C3orf52: variants seen among roughly 807,000 people sequenced by gnomAD.
The protein encoded by C3orf52 is TPA-induced transmembrane protein.
In C3orf52, 22 loss-of-function variants were observed where a neutral mutation model predicts 24.8. The ratio of observed to expected loss-of-function variants is 0.89; its 90% CI spans 0.63 to 1.27. The LOEUF (loss-of-function observed/expected upper bound fraction) is 1.27, where lower values mean the gene tolerates loss of function less well. Ranked by LOEUF, C3orf52 falls within the 50% of genes most tolerant of loss-of-function variation. The pLI, the probability that C3orf52 is intolerant of heterozygous loss-of-function variation, is 0.00. For synonymous variants in C3orf52, 93 were observed against 100.2 expected (o/e 0.93, Z 0.43); for missense variants, 265 against 260.7 (o/e 1.02, Z -0.11).
exon 5 of C3orf52, chr3:112,128,566 C>CG (rs746694611): frequency 3.6e-5 from 9 of 247,530 alleles, no homozygotes; most frequent in Non-Finnish European, 5.6e-5. Flanking sequence ...TCTTGTTCAT[C>CG]GTGGTATGTA....
At chr3:112,125,172 G>A (rs1458249190) in intron 4 of C3orf52, 14 of 1,135,562 alleles carry the variant, frequency 1.2e-5, no homozygotes, top group Non-Finnish European at 1.7e-5. Context: ...GCCATTTAGG[G>A]TGTCTGTACT....
At chr3:112,101,584 G>A (rs906649070) in intron 2 of C3orf52, among the ~76,000 whole-genome samples, 11 of 152,198 alleles carry the variant, frequency 7.2e-5, no homozygotes, top group African/African-American at 1.4e-4. Context: ...GACCAATTTT[G>A]AGGAGGCCTT....
rs1426616541 is a variant in C3orf52 at position 112,086,454 on chromosome 3, C to T, written c.47C>T (p.Ser16Leu). The T allele has an allele frequency of 2.6e-6, 4 of 1,551,284 alleles. No homozygotes were observed. Among genetic ancestry groups the T allele is most frequent in the Non-Finnish European group, 3.5e-6 (4 of 1,146,792 alleles). Residue 16 changes from serine to leucine, a missense_variant, in exon 1 of 6, where the codon TCG becomes TTG. Ser to Leu is a moderately radical substitution (Grantham distance 145). Transcript: ENST00000264848. Reference sequence around the variant, plus strand: ...CAGCCAGTAGACGAGCTGGAGCTCTCGGTGCTCGAGCGGCAGCCAGAAGAG... The same window carrying T: ...CAGCCAGTAGACGAGCTGGAGCTCTTGGTGCTCGAGCGGCAGCCAGAAGAG... ...PSQPVDELELSVLERQPEENT... is the reference protein window; with the variant it reads ...PSQPVDELELLVLERQPEENT...
chr3:112,089,718 A>G (rs891215487), intron 1 of C3orf52, among the ~76,000 whole-genome samples: 3 of 152,108 alleles, frequency 2.0e-5, no homozygotes, highest in Non-Finnish European at 4.4e-5. Context: ...CCTGATCTAT[A>G]TAATATCTGC....
chr3:112,115,283 G>A (rs532740194), intron 5 of C3orf52, among the ~76,000 whole-genome samples: 3 of 152,288 alleles, frequency 2.0e-5, no homozygotes, highest in South Asian at 2.1e-4. Flanking sequence ...GGGACTCATC[G>A]CAGGCATGCA....
At chr3:112,114,404 TAAA>T (rs34730547) in intron 5 of C3orf52, among the ~76,000 whole-genome samples, 2 of 122,234 alleles carry the variant, frequency 1.6e-5, no homozygotes, top group Non-Finnish European at 1.8e-5. Context: ...TTACAGGAAT[TAAA>T]AAAAAAAAAA....
intron 4 of C3orf52, among the ~76,000 whole-genome samples, chr3:112,124,572 C>T (rs1301844172): frequency 6.6e-6 from 1 of 152,164 alleles, no homozygotes; most frequent in Non-Finnish European, 1.5e-5. Context: ...CGTGCCATTG[C>T]ACTCCAGCCT....
chr3:112,115,026 G>T (rs1006550772), intron 5 of C3orf52, among the ~76,000 whole-genome samples: 7 of 152,222 alleles, frequency 4.6e-5, no homozygotes, highest in African/African-American at 7.2e-5. Flanking sequence ...TCCAGCAGGT[G>T]CTGGGAAGGC....
At chr3:112,133,201 CTT>C (rs1314186272), downstream of C3orf52, 2 of 1,510,126 alleles carry the variant, frequency 1.3e-6, no homozygotes, top group African/African-American at 2.7e-5. Flanking sequence ...CAACTCCTGA[CTT>C]AAAGAAAGGG....
chr3:112,102,696 T>G, intron 2 of C3orf52, 142 bp from the exon 3 acceptor site: 1 of 734,322 alleles, frequency 1.4e-6, no homozygotes, highest in Non-Finnish European at 2.1e-6. Context: ...CATTTCTGCT[T>G]ACACTTGCTT....
At chr3:112,098,876 C>T (rs1001675458) in intron 2 of C3orf52, among the ~76,000 whole-genome samples, 1 of 152,164 alleles carries the variant, frequency 6.6e-6, no homozygotes, top group African/African-American at 2.4e-5. Context: ...ATCTAATCAC[C>T]TCCCAAAGGC....
At chr3:112,130,224 C>T (rs28688678), downstream of C3orf52, 2,389 of 571,270 alleles carry the variant, frequency 4.2e-3, 46 homozygotes, top group African/African-American at 0.039. Flanking sequence ...GGTCTTAGTT[C>T]CTGTTGCTAG....
At chr3:112,126,915 A>G (rs2074333353) in intron 4 of C3orf52, 3 of 1,038,074 alleles carry the variant, frequency 2.9e-6, no homozygotes, top group Non-Finnish European at 3.0e-6. Context: ...GGGCTTTGGG[A>G]ACATAGAGAA....
At chr3:112,100,509 T>A (rs1199287441) in intron 2 of C3orf52, among the ~76,000 whole-genome samples, 10 of 152,216 alleles carry the variant, frequency 6.6e-5, no homozygotes, top group Admixed American at 6.5e-4. Context: ...ATTCATGATT[T>A]GAATGATACA....
chr3:112,105,823 CAAA>C (rs761974909), intron 3 of C3orf52, among the ~76,000 whole-genome samples: 3 of 83,344 alleles, frequency 3.6e-5, no homozygotes. Context: ...ACTTAGTCTC[CAAA>C]AAAAAAAAAA....
downstream of C3orf52, chr3:112,130,290 AT>A (rs1272848614): frequency 5.8e-6 from 4 of 688,684 alleles, no homozygotes; most frequent in Non-Finnish European, 1.0e-5. Context: ...GTTTTCAAGC[AT>A]TTTATCTTTT....
intron 2 of C3orf52, 58 bp from the exon 3 acceptor site, chr3:112,102,780 T>C: frequency 7.0e-7 from 1 of 1,437,626 alleles, no homozygotes; most frequent in Admixed American, 2.5e-5. Flanking sequence ...AATAAGTTTA[T>C]TATTATATGC....
intron 5 of C3orf52, among the ~76,000 whole-genome samples, chr3:112,115,698 C>T (rs1000521672): frequency 2.6e-5 from 4 of 152,094 alleles, no homozygotes; most frequent in Non-Finnish European, 5.9e-5. Flanking sequence ...TGTATATGTG[C>T]GCTTTAGAAG....
chr3:112,093,301 A>G, intron 1 of C3orf52, 59 bp from the exon 2 acceptor site: 1 of 1,588,952 alleles, frequency 6.3e-7, no homozygotes, highest in South Asian at 1.1e-5. Flanking sequence ...CATCCTAGGT[A>G]TTCAGAACTG....
Sources: gnomAD v4.1 joint callset for allele counts (sites outside exome capture counted in the v4.1 genomes callset) on GRCh38, gnomAD v4.1.1 for gene constraint, MANE v1.5 for transcripts, NCBI Gene and HGNC (gene_info 2026-07-23, HGNC 2026-07-21) for gene names.